The following RUNX1T1 variants were observed in gnomAD, a reference collection of about 807,000 sequenced individuals.
RUNX1T1 encodes protein CBFA2T1.
In RUNX1T1, 4 loss-of-function variants were observed where a neutral mutation model predicts 62.8. The ratio of observed to expected loss-of-function variants is 0.06; its 90% CI spans 0.03 to 0.15. The LOEUF is 0.15. RUNX1T1 is among the 10% of genes least tolerant of loss of function. The pLI is 1.00. For synonymous variants in RUNX1T1, 291 were observed against 286.0 expected, an observed-to-expected ratio of 1.02 and a Z score of -0.18; for missense variants, 508 against 754.3, an observed-to-expected ratio of 0.67 and a Z score of 3.82.
chr8:92,042,235 G>A (rs1168211935), intron 1 of RUNX1T1, among the ~76,000 whole-genome samples: 1 of 152,198 alleles, frequency 6.6e-6, no homozygotes, highest in African/African-American at 2.4e-5. Flanking sequence ...GTCCAGATAG[G>A]TTGTTAAGAG....
intron 1 of RUNX1T1, among the ~76,000 whole-genome samples, chr8:92,040,761 C>A (rs888569902): frequency 3.9e-5 from 6 of 152,038 alleles, no homozygotes; most frequent in Non-Finnish European, 7.4e-5. Context: ...TTTTTTTTAG[C>A]CTGTGTAATG....
intron 4 of RUNX1T1, chr8:92,010,083 G>GGATCT (rs1440999879): frequency 6.6e-6 from 1 of 152,126 alleles, no homozygotes; most frequent in Non-Finnish European, 1.5e-5. Context: ...ATTTCACACA[G>GGATCT]GATCTGATCA....
chr8:91,987,017 A>G (rs1563679829), intron 6 of RUNX1T1, 45 bp from the exon 8 acceptor site: 1 of 1,252,538 alleles, frequency 8.0e-7, no homozygotes, highest in East Asian at 2.3e-5. Context: ...CATTCAGTAC[A>G]CAACCCATAA....
At chr8:92,069,218 T>G (rs373094524) in intron 2 of RUNX1T1, among the ~76,000 whole-genome samples, 2 of 152,054 alleles carry the variant, frequency 1.3e-5, no homozygotes, top group East Asian at 3.9e-4. Flanking sequence ...TTTCAATGCA[T>G]TGAAAGAACT....
At chr8:92,062,917 A>C in exon 1 of RUNX1T1, 1 of 1,307,544 alleles carries the variant, frequency 7.6e-7, no homozygotes, top group Non-Finnish European at 9.8e-7. Context: ...CCAAAAAGCA[A>C]AAAGTGAAAT....
chr8:92,051,054 C>T (rs1416100665), intron 1 of RUNX1T1, among the ~76,000 whole-genome samples: 2 of 152,128 alleles, frequency 1.3e-5, no homozygotes, highest in African/African-American at 4.8e-5. Flanking sequence ...TAGTAAGTCA[C>T]TCTCCAGCCT....
At chr8:92,095,603 G>A in intron 1 of RUNX1T1, 1 of 1,405,558 alleles carries the variant, frequency 7.1e-7, no homozygotes, top group Non-Finnish European at 9.2e-7. Context: ...AGCGGGAGAG[G>A]GAGGAAAAGT....
At chr8:91,960,448 A>C (rs771631843) in exon 11 of RUNX1T1, 1 of 1,614,222 alleles carries the variant, frequency 6.2e-7, no homozygotes, top group Non-Finnish European at 8.5e-7. Flanking sequence ...TGGCAAAATG[A>C]GCCACAGTAT....
intron 1 of RUNX1T1, among the ~76,000 whole-genome samples, chr8:92,023,832 G>A (rs1824590018): frequency 1.3e-5 from 2 of 152,108 alleles, no homozygotes; most frequent in South Asian, 2.1e-4. Context: ...TCATGAACTT[G>A]TACCCAAGAC....
chr8:92,024,252 T>C (rs1403389553), intron 1 of RUNX1T1, among the ~76,000 whole-genome samples: 1 of 151,730 alleles, frequency 6.6e-6, no homozygotes, highest in Non-Finnish European at 1.5e-5. Flanking sequence ...CTCACGCCTG[T>C]AATTCCAGCA....
chr8:91,998,192 T>C (rs909825044), intron 5 of RUNX1T1, among the ~76,000 whole-genome samples: 7 of 152,200 alleles, frequency 4.6e-5, no homozygotes, highest in East Asian at 1.9e-4. Flanking sequence ...ACTTTAGATA[T>C]GAATTTCACG....
rs1822857599 is a variant in RUNX1T1 at position 92,015,721 on chromosome 8, A to G, written c.146-901T>C. 3.3e-5 allele frequency among the ~76,000 whole-genome samples: 5 copies of G among 152,274 alleles called. No individual in the cohort carries two copies. In the South Asian group the frequency reaches 8.3e-4, roughly 25 times the overall value. ...AATTTGATAAGCAGACCTTTATCAA[A>G]CCCATCTTTTTAATATAATTTTGAT... On this transcript the variant is annotated intron_variant, in intron 2 of 10. Coordinates refer to ENST00000396218, the Ensembl canonical transcript of RUNX1T1.
At chr8:91,992,486 G>A (rs1817875946) in intron 5 of RUNX1T1, among the ~76,000 whole-genome samples, 1 of 152,160 alleles carries the variant, frequency 6.6e-6, no homozygotes, top group South Asian at 2.1e-4. Flanking sequence ...AGGTACGCTT[G>A]GCCAGTGGCT....
chr8:92,004,968 A>G, intron 5 of RUNX1T1, 148 bp downstream of exon 6: 1 of 685,838 alleles, frequency 1.5e-6, no homozygotes, highest in Non-Finnish European at 2.4e-6. Context: ...CCCAGGCCAG[A>G]GCCAGATTCT....
At chr8:92,052,427 T>C (rs1049003216) in intron 1 of RUNX1T1, among the ~76,000 whole-genome samples, 1 of 152,160 alleles carries the variant, frequency 6.6e-6, no homozygotes, top group East Asian at 1.9e-4. Flanking sequence ...AACAAATACA[T>C]AATTTGTAAT....
At chr8:92,066,093 G>A (rs1832834136), upstream of RUNX1T1, among the ~76,000 whole-genome samples, 1 of 152,200 alleles carries the variant, frequency 6.6e-6, no homozygotes, top group South Asian at 2.1e-4. Context: ...TTCAAATGGA[G>A]CATTTTACTC....
intron 5 of RUNX1T1, among the ~76,000 whole-genome samples, chr8:91,996,493 G>T (rs887268897): frequency 1.2e-4 from 19 of 152,138 alleles, no homozygotes. Flanking sequence ...GAGCCACAGC[G>T]CCCGGCTTAT....
At chr8:92,056,158 TGAGG>T (rs1428924217) in intron 1 of RUNX1T1, among the ~76,000 whole-genome samples, 5 of 152,196 alleles carry the variant, frequency 3.3e-5, no homozygotes, top group African/African-American at 1.2e-4. Context: ...TGAAGTTAAA[TGAGG>T]GAAAGTTCAA....
chr8:92,008,389 C>CACACAA (rs1821274928), intron 4 of RUNX1T1, among the ~76,000 whole-genome samples: 1 of 2,098 alleles, frequency 4.8e-4, no homozygotes, highest in African/African-American at 1.0e-3. Flanking sequence ...CTCTCTCTCT[C>CACACAA]ACACACACAC....
Sources: allele counts gnomAD v4.1 joint callset (sites outside exome capture counted in the v4.1 genomes callset), GRCh38; gene constraint gnomAD v4.1.1; transcripts MANE v1.5; gene names NCBI Gene and HGNC (gene_info 2026-07-23, HGNC 2026-07-21).